Variants in SPIN1 observed in about 807,000 individuals in gnomAD.
SPIN1 encodes spindlin-1.
Under a neutral mutation model 26.0 loss-of-function variants are expected in SPIN1, and 3 were observed. The ratio of observed to expected loss-of-function variants is 0.12; its 90% CI spans 0.05 to 0.30. SPIN1 has a LOEUF of 0.30. Ranked by LOEUF, SPIN1 falls within the 10% of genes least tolerant of loss-of-function variation. The pLI is 1.00. For missense variants in SPIN1, 126 were observed against 333.4 expected, an observed-to-expected ratio of 0.38 and a Z score of 4.84; for synonymous variants, 101 against 116.5, an observed-to-expected ratio of 0.87 and a Z score of 0.86.
At chr9:88,395,372 C>T (rs1443101614) in intron 1 of SPIN1, among the ~76,000 whole-genome samples, 2 of 150,472 alleles carry the variant, frequency 1.3e-5, no homozygotes, top group Non-Finnish European at 3.0e-5. Flanking sequence ...GCACACTGCT[C>T]CCTTTTACTT....
At chr9:88,404,930 CAAA>C (rs950744099) in intron 1 of SPIN1, among the ~76,000 whole-genome samples, 1 of 124,892 alleles carries the variant, frequency 8.0e-6, no homozygotes, top group African/African-American at 3.0e-5. Context: ...AAAAAAAAAA[CAAA>C]AAAAAAAAAA....
At chr9:88,428,852 C>T (rs977497939) in intron 2 of SPIN1, among the ~76,000 whole-genome samples, 2 of 152,082 alleles carry the variant, frequency 1.3e-5, no homozygotes, top group Admixed American at 6.5e-5. Context: ...GAAAAACAAA[C>T]CAAAGTGTTT....
At chr9:88,441,417 G>GCGCGCA (rs1554695437) in intron 2 of SPIN1, among the ~76,000 whole-genome samples, 6 of 148,970 alleles carry the variant, frequency 4.0e-5, no homozygotes, top group African/African-American at 1.5e-4. Context: ...GTGTGTGTGC[G>GCGCGCA]CGCGCGCGCG....
chr9:88,446,303 G>C (rs1284049541), intron 2 of SPIN1, among the ~76,000 whole-genome samples: 1 of 151,786 alleles, frequency 6.6e-6, no homozygotes, highest in African/African-American at 2.4e-5. Context: ...GTCTTAATTG[G>C]TACAATTAGA....
chr9:88,460,825 C>T (rs185903887), intron 3 of SPIN1, among the ~76,000 whole-genome samples: 2 of 152,310 alleles, frequency 1.3e-5, no homozygotes, highest in East Asian at 3.9e-4. Flanking sequence ...GACACACCCA[C>T]GAACAGTGTT....
chr9:88,413,213 C>T (rs1053550899), intron 1 of SPIN1, among the ~76,000 whole-genome samples: 22 of 150,350 alleles, frequency 1.5e-4, no homozygotes, highest in Admixed American at 1.3e-3. Flanking sequence ...ACTACAGGTG[C>T]GTGCCACCAC....
At chr9:88,423,519 A>T (rs1587789110) in intron 1 of SPIN1, among the ~76,000 whole-genome samples, 1 of 151,612 alleles carries the variant, frequency 6.6e-6, no homozygotes, top group South Asian at 2.1e-4. Flanking sequence ...GCTCACTCTA[A>T]CCTCTGCCTC....
intron 1 of SPIN1, among the ~76,000 whole-genome samples, chr9:88,390,951 A>G (rs543017094): frequency 2.6e-5 from 4 of 152,300 alleles, no homozygotes; most frequent in South Asian, 4.1e-4. Flanking sequence ...AGGTCCTCTT[A>G]TTGGAGTTCA....
At chr9:88,431,730 A>G (rs1827876389) in intron 2 of SPIN1, among the ~76,000 whole-genome samples, 1 of 151,910 alleles carries the variant, frequency 6.6e-6, no homozygotes, top group South Asian at 2.1e-4. Flanking sequence ...TTTTTCATTT[A>G]TTGTTCTAGG....
rs1827583160 is a variant in SPIN1, at chr9:88,417,149, A to C, written c.-158-9233A>C. On this transcript the variant is annotated intron_variant, in intron 1 of 5. Transcript: ENST00000375859. ...TTAAGAAAGCTAATTAGCCCTTCAT[A>C]TCTAATATCTATGCTCTGTATTTAG... is the stretch of plus-strand genomic sequence containing the variant. 2.0e-5 allele frequency among the ~76,000 whole-genome samples: 3 copies of C among 152,368 alleles called. No homozygotes were observed. The South Asian group carries it at 6.2e-4, about 32-fold the overall frequency.
chr9:88,400,869 C>T (rs1353119803), intron 1 of SPIN1, among the ~76,000 whole-genome samples: 3 of 150,382 alleles, frequency 2.0e-5, no homozygotes, highest in Non-Finnish European at 3.0e-5. Context: ...AAAAATTAGC[C>T]GGGTGTGGTG....
chr9:88,436,345 A>G (rs1042164482), intron 2 of SPIN1, among the ~76,000 whole-genome samples: 3 of 152,168 alleles, frequency 2.0e-5, no homozygotes, highest in Admixed American at 1.3e-4. Flanking sequence ...CTATTTTTTT[A>G]GAGCAGTTTT....
At chr9:88,388,596 A>T (rs1179066701) in intron 1 of SPIN1, 58 bp downstream of exon 1, 1 of 148,278 alleles carries the variant, frequency 6.7e-6, no homozygotes, top group Non-Finnish European at 1.5e-5. Context: ...CGGGCGGGCC[A>T]GCGGTGCGGC....
At chr9:88,410,816 T>C in intron 1 of SPIN1, 2 of 940,044 alleles carry the variant, frequency 2.1e-6, no homozygotes, top group East Asian at 2.4e-5. Flanking sequence ...TTTCCTCCAC[T>C]ACCAGAGTTG....
At chr9:88,401,814 G>A (rs1827192919) in intron 1 of SPIN1, among the ~76,000 whole-genome samples, 1 of 152,170 alleles carries the variant, frequency 6.6e-6, no homozygotes, top group Non-Finnish European at 1.5e-5. Flanking sequence ...ATGTTGAGAT[G>A]TTATGTGTCT....
At chr9:88,472,124 T>C (rs1033132950) in intron 5 of SPIN1, among the ~76,000 whole-genome samples, 2 of 152,142 alleles carry the variant, frequency 1.3e-5, no homozygotes, top group Non-Finnish European at 2.9e-5. Flanking sequence ...CAGGAGTGTT[T>C]TGACTATTCT....
chr9:88,420,700 T>G (rs938570904), intron 1 of SPIN1, among the ~76,000 whole-genome samples: 1 of 152,158 alleles, frequency 6.6e-6, no homozygotes, highest in Non-Finnish European at 1.5e-5. Flanking sequence ...CAATGAAGAT[T>G]AAGTTTAGAG....
chr9:88,424,046 G>A (rs192052287), intron 1 of SPIN1, among the ~76,000 whole-genome samples: 2 of 152,186 alleles, frequency 1.3e-5, no homozygotes, highest in African/African-American at 4.8e-5. Flanking sequence ...GGGTTTACAG[G>A]TGTGAACCAC....
chr9:88,450,322 G>A (rs7047753), intron 3 of SPIN1, among the ~76,000 whole-genome samples: 50,857 of 152,124 alleles, frequency 0.33, 16,112 homozygotes, highest in African/African-American at 0.84. Context: ...TAACTTTGCA[G>A]GACCAGAACA....
Sources: gnomAD v4.1 joint callset for allele counts (sites outside exome capture counted in the v4.1 genomes callset) on GRCh38, gnomAD v4.1.1 for gene constraint, MANE v1.5 for transcripts, NCBI Gene and HGNC (gene_info 2026-07-23, HGNC 2026-07-21) for gene names.